PRPSAP2: variants seen among roughly 807,000 people sequenced by gnomAD.
PRPSAP2 encodes phosphoribosyl pyrophosphate synthetase associated protein 2.
A neutral mutation model predicts 40.6 loss-of-function variants in PRPSAP2; 24 were observed. That is an observed-to-expected ratio of 0.59 (90% CI 0.43 to 0.83). PRPSAP2 has a LOEUF of 0.83. Ranked by LOEUF, PRPSAP2 falls within the 40% of genes least tolerant of loss-of-function variation. The probability of loss-of-function intolerance (pLI) is 0.00; values close to 1 mark genes in which losing one functional copy is unlikely to be tolerated. For missense variants in PRPSAP2, 292 were observed against 465.6 expected, an observed-to-expected ratio of 0.63 and a Z score of 3.43; for synonymous variants, 149 against 164.7, an observed-to-expected ratio of 0.90 and a Z score of 0.73.
intron 9 of PRPSAP2, among the ~76,000 whole-genome samples, chr17:18,916,380 T>TC (rs1239874367): frequency 6.6e-6 from 1 of 151,510 alleles, no homozygotes; most frequent in East Asian, 1.9e-4. Flanking sequence ...CTTGGTATTT[T>TC]TTTTTTTTTT....
At chr17:18,885,614 T>C (rs2039082966) in intron 7 of PRPSAP2, among the ~76,000 whole-genome samples, 1 of 151,374 alleles carries the variant, frequency 6.6e-6, no homozygotes, top group Non-Finnish European at 1.5e-5. Context: ...TGAGATGGAG[T>C]TTCGCTCTTG....
Position 18,930,852 on chromosome 17 carries a change from T to C in PRPSAP2, c.*154T>C. 1.7e-6 allele frequency: 1 copy of C among 598,004 alleles called. No homozygotes were observed. Among genetic ancestry groups the C allele is most frequent in the Non-Finnish European group, 2.5e-6 (1 of 395,724 alleles). 37.0% of individuals were successfully genotyped at this position (598,004 alleles called of 1,614,324 possible). On this transcript the variant is annotated 3_prime_UTR_variant, in exon 12 of 12. Transcript: ENST00000268835. ...CCTAAGAAGATAGACCAACTTTTTA[T>C]GTCGGTTTGGGTGTTTGTGAGTTTG...
intron 7 of PRPSAP2, among the ~76,000 whole-genome samples, chr17:18,887,184 C>T (rs1043587845): frequency 3.9e-5 from 6 of 152,020 alleles, no homozygotes; most frequent in Admixed American, 2.0e-4. Flanking sequence ...ATCCACCCGC[C>T]TCAACCTCCC....
chr17:18,892,745 A>T (rs375796896), intron 8 of PRPSAP2, among the ~76,000 whole-genome samples: 1,728 of 125,568 alleles, frequency 0.014, 52 homozygotes, highest in African/African-American at 0.042. Context: ...TTATTTATTT[A>T]TTTTTTTGAG....
chr17:18,869,865 T>TGTGTGTGTGTGTGA (rs745428673), intron 4 of PRPSAP2, among the ~76,000 whole-genome samples: 89 of 147,856 alleles, frequency 6.0e-4, no homozygotes, highest in Admixed American at 8.9e-4. Flanking sequence ...TGTGTGTGTG[T>TGTGTGTGTGTGTGA]GAGACAGAGT....
intron 7 of PRPSAP2, among the ~76,000 whole-genome samples, chr17:18,884,133 G>C (rs979842005): frequency 6.6e-6 from 1 of 152,078 alleles, no homozygotes; most frequent in South Asian, 2.1e-4. Flanking sequence ...TGGATGTGGT[G>C]GCGCGTGCCT....
At chr17:18,918,120 A>G (rs888892030) in intron 9 of PRPSAP2, among the ~76,000 whole-genome samples, 2 of 152,136 alleles carry the variant, frequency 1.3e-5, no homozygotes, top group Non-Finnish European at 2.9e-5. Flanking sequence ...ATAGCCATGC[A>G]CGCAGCTGGG....
At chr17:18,869,292 G>A (rs1259694797) in intron 4 of PRPSAP2, among the ~76,000 whole-genome samples, 2 of 151,922 alleles carry the variant, frequency 1.3e-5, no homozygotes, top group African/African-American at 2.4e-5. Context: ...GGTCCAGTTT[G>A]AATCCAGATC....
rs1198754761 is a variant in PRPSAP2 at position 18,903,202 on chromosome 17, T to A, written c.585-7901T>A. Reference sequence around the variant, plus strand: ...CAGCACTTTGGGAGGCCGAGATGGGTGGATCTCCTGAGGTCAGGAGAATTG... The same window carrying A: ...CAGCACTTTGGGAGGCCGAGATGGGAGGATCTCCTGAGGTCAGGAGAATTG... On this transcript the variant is annotated intron_variant, in intron 8 of 11. Transcript: ENST00000268835. Among the ~76,000 whole-genome samples the A allele has an allele frequency of 4.8e-3, 654 of 137,658 alleles. 17 individuals are homozygous for A. The highest frequency in any genetic ancestry group is 0.018 in the African/African-American group (628 of 35,264). 90.3% of individuals were successfully genotyped at this position (137,658 alleles called of 152,430 possible).
intron 6 of PRPSAP2, among the ~76,000 whole-genome samples, chr17:18,878,279 A>G (rs549032911): frequency 1.3e-5 from 2 of 152,322 alleles, no homozygotes; most frequent in Admixed American, 6.5e-5. Flanking sequence ...CACGCCTGCA[A>G]TCCCAATGCT....
At chr17:18,857,875 A>G (rs552241330), upstream of PRPSAP2, 1 of 152,420 alleles carries the variant, frequency 6.6e-6, no homozygotes, top group African/African-American at 2.4e-5. Context: ...TCCAAATGTC[A>G]TACTCTGTCC....
chr17:18,892,688 A>AGAGT (rs1555554086), intron 8 of PRPSAP2, among the ~76,000 whole-genome samples: 2 of 75,382 alleles, frequency 2.7e-5, no homozygotes, highest in Admixed American at 1.4e-4. Flanking sequence ...CAGCCTGTTG[A>AGAGT]GTGTGTGTGT....
chr17:18,923,790 A>T, intron 9 of PRPSAP2, 124 bp from the exon 10 acceptor site: 1 of 892,722 alleles, frequency 1.1e-6, no homozygotes. Flanking sequence ...CCTTAATCAG[A>T]TTGAGGAAAT....
chr17:18,897,047 C>A (rs1048764377), intron 8 of PRPSAP2, among the ~76,000 whole-genome samples: 1 of 152,070 alleles, frequency 6.6e-6, no homozygotes, highest in Non-Finnish European at 1.5e-5. Flanking sequence ...GCAGCCTGGA[C>A]TTCCTGGGCT....
intron 1 of PRPSAP2, among the ~76,000 whole-genome samples, chr17:18,862,843 C>T (rs1035529272): frequency 6.7e-6 from 1 of 149,894 alleles, no homozygotes; most frequent in Admixed American, 6.6e-5. Context: ...TTTTCTGAGA[C>T]AGAGTCTCGC....
chr17:18,907,856 G>A (rs1167955941), intron 8 of PRPSAP2, among the ~76,000 whole-genome samples: 1 of 152,098 alleles, frequency 6.6e-6, no homozygotes, highest in Non-Finnish European at 1.5e-5. Flanking sequence ...GAAGACACAG[G>A]CCAGGCGCGG....
chr17:18,857,624 G>A (rs2036676890), upstream of PRPSAP2, among the ~76,000 whole-genome samples: 2 of 149,208 alleles, frequency 1.3e-5, no homozygotes, highest in African/African-American at 5.0e-5. Context: ...GTTTCACCAT[G>A]TTGGTCAGGC....
At chr17:18,862,971 C>A (rs2037143958) in intron 1 of PRPSAP2, among the ~76,000 whole-genome samples, 2 of 149,508 alleles carry the variant, frequency 1.3e-5, no homozygotes, top group South Asian at 4.3e-4. Flanking sequence ...TAGGCGCCCA[C>A]CACCACGCCC....
At chr17:18,912,156 T>G (rs569525363) in intron 9 of PRPSAP2, among the ~76,000 whole-genome samples, 2 of 150,506 alleles carry the variant, frequency 1.3e-5, no homozygotes, top group Non-Finnish European at 3.0e-5. Context: ...CACTCCAGCC[T>G]GGGCAACAAG....
Sources: gnomAD v4.1 joint callset for allele counts (sites outside exome capture counted in the v4.1 genomes callset) on GRCh38, gnomAD v4.1.1 for gene constraint, MANE v1.5 for transcripts, NCBI Gene and HGNC (gene_info 2026-07-23, HGNC 2026-07-21) for gene names.